The following SLC41A2 variants were observed in gnomAD, a reference collection of about 807,000 sequenced individuals.
SLC41A2 encodes SLC41A1-like 1.
In SLC41A2, 32 loss-of-function variants were observed where a neutral mutation model predicts 58.3. That is an observed-to-expected ratio of 0.55 (90% CI 0.41 to 0.74). The LOEUF is 0.74. SLC41A2 is among the 30% of genes least tolerant of loss of function. The probability of loss-of-function intolerance (pLI) is 0.00; values close to 1 mark genes in which losing one functional copy is unlikely to be tolerated. For missense variants in SLC41A2, 514 were observed against 680.6 expected (o/e 0.76, Z 2.72); for synonymous variants, 190 against 235.0 (o/e 0.81, Z 1.75).
Position 104,931,521 on chromosome 12 carries a change from C to G in SLC41A2, c.-167-2827G>C, listed in dbSNP as rs549701880. ...CAGTTACTGCTCTGATGGATTTTAC[C>G]TTGTAATTGGAAGGAAAAACAATAA... On this transcript the variant is annotated intron_variant, in intron 1 of 10. Coordinates refer to ENST00000258538, the MANE Select transcript of SLC41A2 (RefSeq NM_001352171.3). 20 of 152,210 alleles carry G rather than the reference C, an allele frequency of 1.3e-4. No homozygotes were observed. The South Asian group carries it at 4.1e-3, about 32-fold the overall frequency. 9.4% of individuals were successfully genotyped at this position (152,210 alleles called of 1,614,324 possible). A position where few individuals can be genotyped will look rare whatever the true frequency, so the allele number is the denominator to read the frequency against.
intron 10 of SLC41A2, among the ~76,000 whole-genome samples, chr12:104,821,528 C>T (rs2041638056): frequency 6.6e-6 from 1 of 152,136 alleles, no homozygotes; most frequent in Admixed American, 6.6e-5. Flanking sequence ...GAATGGTAGT[C>T]CCGCTAAATA....
chr12:104,820,619 T>C (rs1268400206), intron 10 of SLC41A2, among the ~76,000 whole-genome samples: 2 of 152,208 alleles, frequency 1.3e-5, no homozygotes, highest in East Asian at 3.8e-4. Flanking sequence ...AATGAAAATA[T>C]GCACATAGTT....
At chr12:104,817,145 T>C (rs1219853853) in intron 10 of SLC41A2, among the ~76,000 whole-genome samples, 1 of 152,238 alleles carries the variant, frequency 6.6e-6, no homozygotes, top group African/African-American at 2.4e-5. Context: ...TACTGAATAC[T>C]GTAGGCAACT....
At chr12:104,897,251 T>A (rs2045336923) in intron 3 of SLC41A2, among the ~76,000 whole-genome samples, 1 of 147,926 alleles carries the variant, frequency 6.8e-6, no homozygotes, top group Non-Finnish European at 1.5e-5. Context: ...GTTCAAGCAA[T>A]TCTCCTGCCT....
chr12:104,825,169 C>G (rs1329537167), intron 10 of SLC41A2, among the ~76,000 whole-genome samples: 4 of 152,144 alleles, frequency 2.6e-5, no homozygotes, highest in African/African-American at 9.7e-5. Context: ...GCAAATCAGA[C>G]CAATTTTTTC....
intron 10 of SLC41A2, among the ~76,000 whole-genome samples, chr12:104,819,800 G>A (rs576164988): frequency 9.8e-5 from 15 of 152,294 alleles, no homozygotes; most frequent in Non-Finnish European, 1.5e-4. Flanking sequence ...TTGGCAGTAT[G>A]AATTCAGTAG....
At chr12:104,895,570 A>T (rs530374912) in intron 3 of SLC41A2, among the ~76,000 whole-genome samples, 189 of 152,294 alleles carry the variant, frequency 1.2e-3, no homozygotes, top group African/African-American at 4.5e-3. Flanking sequence ...TACCTGTCTT[A>T]CAAGAACTAG....
chr12:104,887,651 T>C (rs1270161346), intron 5 of SLC41A2, among the ~76,000 whole-genome samples: 1 of 152,046 alleles, frequency 6.6e-6, no homozygotes, highest in African/African-American at 2.4e-5. Context: ...CATTTGAAGA[T>C]GTATATGGGA....
intron 6 of SLC41A2, among the ~76,000 whole-genome samples, chr12:104,883,361 T>C (rs2044484166): frequency 1.3e-5 from 2 of 152,226 alleles, no homozygotes; most frequent in Admixed American, 1.3e-4. Flanking sequence ...TTTTGTTCCA[T>C]TGCTGAGGAG....
chr12:104,878,565 T>C (rs1370940169), intron 6 of SLC41A2, among the ~76,000 whole-genome samples: 1 of 151,964 alleles, frequency 6.6e-6, no homozygotes, highest in East Asian at 1.9e-4. Context: ...ATGCAGTGTT[T>C]GGTTTTCTGT....
At chr12:104,844,101 A>C (rs1435037031) in intron 10 of SLC41A2, among the ~76,000 whole-genome samples, 5 of 152,218 alleles carry the variant, frequency 3.3e-5, no homozygotes, top group Admixed American at 3.3e-4. Flanking sequence ...AAGTTTAGCA[A>C]GAAGCCATGC....
At chr12:104,942,979 T>A (rs1043291400) in intron 1 of SLC41A2, among the ~76,000 whole-genome samples, 14 of 152,172 alleles carry the variant, frequency 9.2e-5, no homozygotes, top group African/African-American at 2.9e-4. Flanking sequence ...AAAGTATACT[T>A]CCATACTTTA....
intron 10 of SLC41A2, 113 bp from the exon 11 acceptor site, chr12:104,805,450 A>T: frequency 1.4e-6 from 1 of 699,650 alleles, no homozygotes; most frequent in East Asian, 2.9e-5. Context: ...GTCTAAGTCA[A>T]GAACCATGCT....
At chr12:104,819,583 C>A (rs1197398726) in intron 10 of SLC41A2, among the ~76,000 whole-genome samples, 1 of 152,090 alleles carries the variant, frequency 6.6e-6, no homozygotes, top group African/African-American at 2.4e-5. Flanking sequence ...GTTAGATAAT[C>A]TTAAGATAAA....
chr12:104,850,111 T>C (rs1466226164), intron 8 of SLC41A2, among the ~76,000 whole-genome samples: 2 of 152,158 alleles, frequency 1.3e-5, no homozygotes, highest in African/African-American at 4.8e-5. Flanking sequence ...GTTGAAAGCT[T>C]TGATGATATC....
In SLC41A2 at chr12:104,803,707, C is replaced by T. The variant is rs933241154; in HGVS notation, c.*1445G>A. ...CCTATTCAATAACTAAGGTGTTGGT[C>T]AAGTGTTTAGAATATAGGCCAGAGT... On this transcript the variant is annotated 3_prime_UTR_variant, in exon 11 of 11. Transcript: ENST00000258538. 2 of 151,876 alleles carry T rather than the reference C, an allele frequency of 1.3e-5. No individual in the cohort carries two copies. Among genetic ancestry groups the T allele is most frequent in the Non-Finnish European group, 2.9e-5 (2 of 67,976 alleles). 9.4% of individuals were successfully genotyped at this position (151,876 alleles called of 1,614,324 possible).
intron 4 of SLC41A2, among the ~76,000 whole-genome samples, chr12:104,893,766 A>T (rs1024638861): frequency 6.6e-6 from 1 of 152,218 alleles, no homozygotes; most frequent in Non-Finnish European, 1.5e-5. Context: ...AAAAACAAAC[A>T]TTGGATGTTC....
At chr12:104,921,404 G>T (rs1277464453) in intron 2 of SLC41A2, among the ~76,000 whole-genome samples, 1 of 151,904 alleles carries the variant, frequency 6.6e-6, no homozygotes, top group Non-Finnish European at 1.5e-5. Context: ...AACATGTGAA[G>T]GAGCTCCAGG....
intron 10 of SLC41A2, among the ~76,000 whole-genome samples, chr12:104,829,916 T>C (rs2041983099): frequency 6.6e-6 from 1 of 152,250 alleles, no homozygotes; most frequent in Non-Finnish European, 1.5e-5. Flanking sequence ...CTTATGTGTT[T>C]ACATATCATC....
Sources: allele counts gnomAD v4.1 joint callset (sites outside exome capture counted in the v4.1 genomes callset), GRCh38; gene constraint gnomAD v4.1.1; transcripts MANE v1.5; gene names NCBI Gene and HGNC (gene_info 2026-07-23, HGNC 2026-07-21).